ZNF385D: variants seen among roughly 807,000 people sequenced by gnomAD.
ZNF385D encodes the protein zinc finger protein 659.
Under a neutral mutation model 35.8 loss-of-function variants are expected in ZNF385D, and 15 were observed. The observed-to-expected ratio is 0.42, with a 90% CI of 0.28 to 0.64. ZNF385D has a LOEUF of 0.64. ZNF385D is among the 30% of genes least tolerant of loss of function. ZNF385D has a pLI of 0.23. For synonymous variants in ZNF385D, 212 were observed against 186.8 expected, an observed-to-expected ratio of 1.13 and a Z score of -1.10; for missense variants, 474 against 494.6, an observed-to-expected ratio of 0.96 and a Z score of 0.39.
chr3:21,770,379 A>T (rs1370005286), intron 3 of ZNF385D, among the ~76,000 whole-genome samples: 2 of 152,194 alleles, frequency 1.3e-5, no homozygotes, highest in Admixed American at 6.5e-5. Context: ...AAAGAACTCA[A>T]ACAAATTTAC....
chr3:22,311,115 C>T (rs149146145), intron 2 of ZNF385D, among the ~76,000 whole-genome samples: 65 of 151,598 alleles, frequency 4.3e-4, no homozygotes, highest in Non-Finnish European at 7.4e-4. Context: ...ATCAGGGGTA[C>T]GACCAGAGAC....
At chr3:21,943,197 G>A (rs1201907451) in intron 3 of ZNF385D, among the ~76,000 whole-genome samples, 1 of 151,862 alleles carries the variant, frequency 6.6e-6, no homozygotes, top group East Asian at 1.9e-4. Flanking sequence ...GTGAAAAAAG[G>A]CATCTTGAAG....
In ZNF385D at chr3:21,748,859, C is replaced by T. The variant is rs147684622; in HGVS notation, c.22+2036G>A. On this transcript the variant is annotated intron_variant, in intron 1 of 7. Transcript: ENST00000281523. The stretch of plus-strand genomic sequence containing the variant: ...TTCAGCATTTTCAAACATTAGGATG[C>T]TATTGAATTTTAACATGCCTGAAGT... 1.3e-3 allele frequency among the ~76,000 whole-genome samples: 197 copies of T among 152,246 alleles called. 1 individual carries two copies. Among genetic ancestry groups the T allele is most frequent in the Non-Finnish European group, 2.3e-3 (156 of 68,036 alleles).
At chr3:21,881,828 A>T (rs771160919) in intron 3 of ZNF385D, among the ~76,000 whole-genome samples, 3 of 151,996 alleles carry the variant, frequency 2.0e-5, no homozygotes, top group Non-Finnish European at 4.4e-5. Context: ...AAGAATTTGG[A>T]AAAAGTTGAT....
At chr3:21,618,594 T>C (rs1226689542) in intron 2 of ZNF385D, among the ~76,000 whole-genome samples, 2 of 152,176 alleles carry the variant, frequency 1.3e-5, no homozygotes, top group Non-Finnish European at 2.9e-5. Flanking sequence ...TCCCAGTCAT[T>C]ACACAGTAAA....
intron 4 of ZNF385D, among the ~76,000 whole-genome samples, chr3:21,486,089 T>C (rs1444104194): frequency 1.4e-5 from 2 of 138,282 alleles, no homozygotes; most frequent in Non-Finnish European, 3.1e-5. Context: ...ATGATTTTTA[T>C]AGCTGCCAAT....
intron 3 of ZNF385D, among the ~76,000 whole-genome samples, chr3:22,151,954 C>T (rs183625600): frequency 3.9e-5 from 6 of 152,230 alleles, no homozygotes; most frequent in Admixed American, 2.6e-4. Flanking sequence ...ATCACTCAGG[C>T]ACTAAGCCTA....
chr3:21,579,164 A>G (rs1013491937), intron 2 of ZNF385D: 2 of 152,230 alleles, frequency 1.3e-5, no homozygotes, highest in Admixed American at 6.5e-5. Context: ...TGAATAAAGT[A>G]TAATTCTGGT....
chr3:22,312,266 G>A lies in ZNF385D; in HGVS notation c.106+60184C>T, dbSNP rs376623845. Among the ~76,000 whole-genome samples, 207 of 152,242 alleles carry A rather than the reference G, an allele frequency of 1.4e-3. 5 individuals are homozygous for A. The South Asian group carries it at 0.041, about 30-fold the overall frequency. On this transcript the variant is annotated intron_variant, in intron 2 of 5. Transcript: ENST00000494108. ...AATAGATATGCACAGTAATCTGTGA[G>A]TAAAAATTCAATTAAGTCAACTTTC...
intron 2 of ZNF385D, among the ~76,000 whole-genome samples, chr3:22,246,108 G>C (rs565509326): frequency 6.6e-6 from 1 of 152,238 alleles, no homozygotes; most frequent in African/African-American, 2.4e-5. Context: ...CACAGATCAT[G>C]AGAAAATGAT....
chr3:22,188,005 C>T (rs9310686), intron 2 of ZNF385D, among the ~76,000 whole-genome samples: 77,320 of 151,960 alleles, frequency 0.51, 19,973 homozygotes, highest in Middle Eastern at 0.62. Flanking sequence ...ATCGTGCACC[C>T]TGTTAGAATT....
intron 3 of ZNF385D, among the ~76,000 whole-genome samples, chr3:21,907,628 T>C (rs1179273490): frequency 6.6e-6 from 1 of 152,142 alleles, no homozygotes; most frequent in Non-Finnish European, 1.5e-5. Context: ...GGAGATACAT[T>C]ATAAGAATCT....
intron 3 of ZNF385D, among the ~76,000 whole-genome samples, chr3:22,093,697 G>A (rs1228680480): frequency 6.6e-6 from 1 of 152,030 alleles, no homozygotes; most frequent in East Asian, 1.9e-4. Context: ...TGCTACTCAT[G>A]TTACTACTTT....
chr3:21,927,410 G>C (rs1553700683), intron 3 of ZNF385D, among the ~76,000 whole-genome samples: 1 of 152,116 alleles, frequency 6.6e-6, no homozygotes, highest in East Asian at 1.9e-4. Context: ...AAAAATCTGT[G>C]TGCAACAGTT....
intron 3 of ZNF385D, among the ~76,000 whole-genome samples, chr3:22,009,018 A>G (rs1696395673): frequency 6.6e-6 from 1 of 152,212 alleles, no homozygotes; most frequent in Admixed American, 6.5e-5. Flanking sequence ...GAAACATTAC[A>G]AAGTCATACA....
intron 3 of ZNF385D, among the ~76,000 whole-genome samples, chr3:21,563,473 G>T (rs2063027716): frequency 6.6e-6 from 1 of 152,134 alleles, no homozygotes; most frequent in Non-Finnish European, 1.5e-5. Context: ...GTAAGTATGA[G>T]TTCTTAAGAC....
At chr3:21,631,340 A>T (rs937673611) in intron 2 of ZNF385D, among the ~76,000 whole-genome samples, 1 of 151,904 alleles carries the variant, frequency 6.6e-6, no homozygotes, top group Non-Finnish European at 1.5e-5. Flanking sequence ...TTTCCAGAAC[A>T]CATGTCTGAA....
chr3:22,217,966 A>G (rs536621338), intron 2 of ZNF385D, among the ~76,000 whole-genome samples: 11 of 152,246 alleles, frequency 7.2e-5, no homozygotes, highest in South Asian at 2.1e-4. Context: ...CCGTCCTTTT[A>G]TGGTTCTCTT....
At chr3:21,771,326 A>C (rs2071069821) in intron 3 of ZNF385D, among the ~76,000 whole-genome samples, 1 of 151,956 alleles carries the variant, frequency 6.6e-6, no homozygotes, top group South Asian at 2.1e-4. Flanking sequence ...TCAACAAAAC[A>C]AAAACAATAA....
Sources: gnomAD v4.1 joint callset for allele counts (sites outside exome capture counted in the v4.1 genomes callset) on GRCh38, gnomAD v4.1.1 for gene constraint, MANE v1.5 for transcripts, NCBI Gene and HGNC (gene_info 2026-07-23, HGNC 2026-07-21) for gene names.